The following WASF3 variants were observed in gnomAD, a reference collection of about 807,000 sequenced individuals.
The protein encoded by WASF3 is actin-binding protein WASF3.
A neutral mutation model predicts 46.6 loss-of-function variants in WASF3; 11 were observed. The observed-to-expected ratio is 0.24, with a 90% CI of 0.15 to 0.39. WASF3 has a LOEUF of 0.39. Among genes scored for constraint, WASF3 ranks in the 10% least tolerant of loss-of-function variants. WASF3 has a pLI of 1.00. For missense variants in WASF3, 576 were observed against 669.8 expected, an observed-to-expected ratio of 0.86 and a Z score of 1.55; for synonymous variants, 242 against 259.7, an observed-to-expected ratio of 0.93 and a Z score of 0.65.
At chr13:26,610,238 T>G (rs527279343) in intron 1 of WASF3, among the ~76,000 whole-genome samples, 2 of 152,344 alleles carry the variant, frequency 1.3e-5, no homozygotes. Context: ...CTTCATCACC[T>G]GTCTTCTGAA....
At chr13:26,558,242 C>A (rs933009668) in intron 1 of WASF3, among the ~76,000 whole-genome samples, 1 of 152,052 alleles carries the variant, frequency 6.6e-6, no homozygotes, top group Non-Finnish European at 1.5e-5. Flanking sequence ...CCTTCGCATC[C>A]GTTCAGTGTC....
intron 1 of WASF3, among the ~76,000 whole-genome samples, chr13:26,569,354 T>A (rs1434647285): frequency 6.6e-6 from 1 of 152,176 alleles, no homozygotes; most frequent in Non-Finnish European, 1.5e-5. Context: ...GAAAAGCAAG[T>A]TTGAGTATAT....
At chr13:26,549,388 AC>A in the WASF3 span, among the ~76,000 whole-genome samples, 1 of 152,222 alleles carries the variant, frequency 6.6e-6, no homozygotes, top group African/African-American at 2.4e-5. Context: ...GAAACATTGT[AC>A]TTAGCTTGGC....
chr13:26,546,426 G>A, the WASF3 span, among the ~76,000 whole-genome samples: 3 of 152,228 alleles, frequency 2.0e-5, no homozygotes, highest in African/African-American at 7.2e-5. Flanking sequence ...AACAGACTGG[G>A]TGCGGTGGCT....
upstream of WASF3, among the ~76,000 whole-genome samples, chr13:26,554,040 TTTCCTTCCTTCCTTCC>T (rs1172684562): frequency 1.1e-3 from 39 of 35,540 alleles, no homozygotes; most frequent in Non-Finnish European, 1.5e-3. Flanking sequence ...TTTCTCTTTC[TTTCCTTCCTTCCTTCC>T]TTCCTTCCTT....
At chr13:26,675,476 A>G (rs1055255436) in intron 6 of WASF3, among the ~76,000 whole-genome samples, 6 of 50,346 alleles carry the variant, frequency 1.2e-4, no homozygotes, top group African/African-American at 4.0e-4. Context: ...CAGACTAGAC[A>G]CACATACACA....
Position 26,616,706 on chromosome 13 carries a change from C to G in WASF3, c.-11+3648C>G, listed in dbSNP as rs191515191. On this transcript the variant is annotated intron_variant, in intron 2 of 9. Coordinates refer to ENST00000335327, the MANE Select transcript of WASF3 (RefSeq NM_006646.6). ...TGGCAGGGCACTTAGTTTGTATTCT[C>G]TTTTTGGGGGGCTGTACATGAGTCA... 1.2e-4 allele frequency among the ~76,000 whole-genome samples: 18 copies of G among 152,156 alleles called. No individual in the cohort carries two copies. The East Asian group carries it at 3.3e-3, about 28-fold the overall frequency.
intron 1 of WASF3, among the ~76,000 whole-genome samples, chr13:26,563,195 A>G (rs1298414117): frequency 6.6e-6 from 1 of 151,864 alleles, no homozygotes; most frequent in Non-Finnish European, 1.5e-5. Context: ...GTTTTGTGTC[A>G]GATCCTATCC....
chr13:26,559,102 A>G (rs927874759), intron 1 of WASF3, among the ~76,000 whole-genome samples: 13 of 152,212 alleles, frequency 8.5e-5, no homozygotes, highest in African/African-American at 3.1e-4. Context: ...GAGAGGTTAA[A>G]CAAACGAAAG....
chr13:26,584,456 A>C (rs1880071799), intron 1 of WASF3, among the ~76,000 whole-genome samples: 1 of 152,222 alleles, frequency 6.6e-6, no homozygotes, highest in African/African-American at 2.4e-5. Flanking sequence ...TTTGAAATGA[A>C]GACTATATGG....
At chr13:26,654,150 G>GC (rs1566064288) in intron 3 of WASF3, among the ~76,000 whole-genome samples, 1 of 151,576 alleles carries the variant, frequency 6.6e-6, no homozygotes, top group African/African-American at 2.4e-5. Context: ...ACCGACCCCC[G>GC]CCCCAACACA....
chr13:26,608,261 G>A (rs1331980089), intron 1 of WASF3, among the ~76,000 whole-genome samples: 8 of 152,144 alleles, frequency 5.3e-5, no homozygotes, highest in Non-Finnish European at 1.0e-4. Flanking sequence ...AAATGGAAGA[G>A]AAAGAAAATA....
Position 26,574,835 on chromosome 13 carries a change from C to A in WASF3, c.-109+17016C>A, listed in dbSNP as rs201739823. Among the ~76,000 whole-genome samples, 3 of 151,384 alleles carry A rather than the reference C, an allele frequency of 2.0e-5. No homozygotes were observed. In the East Asian group the frequency reaches 5.8e-4, roughly 29 times the overall value. On this transcript the variant is annotated intron_variant, in intron 1 of 9. Transcript: ENST00000335327. ...ATTCGTACTTTTGTAGTACCTTAAC[C>A]CCTTCTTTTTTTTTTTTTTGAGATG... is the stretch of plus-strand genomic sequence containing the variant.
chr13:26,587,173 TG>T (rs1593132406), intron 1 of WASF3, among the ~76,000 whole-genome samples: 1 of 149,660 alleles, frequency 6.7e-6, no homozygotes, highest in East Asian at 1.9e-4. Context: ...TCATTTTTTT[TG>T]CTTTTTTTTT....
chr13:26,542,328 G>A, the WASF3 span, among the ~76,000 whole-genome samples: 1 of 152,176 alleles, frequency 6.6e-6, no homozygotes, highest in African/African-American at 2.4e-5. Context: ...ACTAGCAAAT[G>A]TCTGTTACAG....
intron 3 of WASF3, among the ~76,000 whole-genome samples, chr13:26,650,147 CTG>C (rs1162532210): frequency 6.6e-5 from 10 of 152,064 alleles, no homozygotes; most frequent in Non-Finnish European, 8.8e-5. Context: ...GCCTAACAGA[CTG>C]AGATTTTACC....
At position 26,680,008 on chromosome 13, in the gene WASF3, C is replaced by G. The variant is rs778054750; in HGVS notation, c.717-1046C>G. 19 of 1,589,792 alleles carry G rather than the reference C, an allele frequency of 1.2e-5. 1 individual carries two copies. The South Asian group carries it at 1.9e-4, about 16-fold the overall frequency. On this transcript the variant is annotated intron_variant, in intron 7 of 9. Transcript: ENST00000335327. ...CATCTTCCCTGCTCCCTCAGCACCC[C>G]CAATGTGTGTTTGGTATTTCCTTCA...
chr13:26,587,141 G>A (rs1880153163), intron 1 of WASF3, among the ~76,000 whole-genome samples: 2 of 141,070 alleles, frequency 1.4e-5, no homozygotes, highest in South Asian at 4.6e-4. Context: ...AGAATCCTCA[G>A]TTTTCTTTTT....
At chr13:26,552,592 T>A in the WASF3 span, among the ~76,000 whole-genome samples, 4 of 152,232 alleles carry the variant, frequency 2.6e-5, no homozygotes, top group African/African-American at 7.2e-5. Context: ...TCTTGAGAAC[T>A]GAGGTATTTG....
Sources: allele counts gnomAD v4.1 joint callset (sites outside exome capture counted in the v4.1 genomes callset), GRCh38; gene constraint gnomAD v4.1.1; transcripts MANE v1.5; gene names NCBI Gene and HGNC (gene_info 2026-07-23, HGNC 2026-07-21).